CSMD1: variants seen among roughly 807,000 people sequenced by gnomAD.
CSMD1 encodes CUB and Sushi multiple domains 1.
A neutral mutation model predicts 417.5 loss-of-function variants in CSMD1; 213 were observed. The ratio of observed to expected loss-of-function variants is 0.51; its 90% confidence interval spans 0.46 to 0.57. The LOEUF (loss-of-function observed/expected upper bound fraction) is 0.57. Among genes scored for constraint, CSMD1 ranks in the 20% least tolerant of loss-of-function variants. The pLI, the probability that CSMD1 is intolerant of heterozygous loss-of-function variation, is 0.00. For synonymous variants in CSMD1, 2,862 were observed against 1,736.8 expected (o/e 1.65, Z -16.11); for missense variants, 6,923 against 4,529.7 (o/e 1.53, Z -15.17).
chr8:3,563,625 T>G (rs1209515899), intron 10 of CSMD1, among the ~76,000 whole-genome samples: 1 of 152,090 alleles, frequency 6.6e-6, no homozygotes, highest in Non-Finnish European at 1.5e-5. Flanking sequence ...GCACAGTGGC[T>G]CATACTTGTA....
intron 17 of CSMD1, among the ~76,000 whole-genome samples, chr8:3,394,018 A>ATT (rs1811523418): frequency 1.6e-5 from 1 of 61,502 alleles, no homozygotes; most frequent in Non-Finnish European, 2.8e-5. Flanking sequence ...TAAATTATAT[A>ATT]TATATATATA....
At chr8:3,552,657 A>G (rs989206947) in intron 10 of CSMD1, among the ~76,000 whole-genome samples, 15 of 152,348 alleles carry the variant, frequency 9.8e-5, no homozygotes, top group Admixed American at 9.1e-4. Flanking sequence ...CTGTTGCAAG[A>G]GTATTCACAT....
At chr8:3,953,480 T>G (rs1285649819) in intron 5 of CSMD1, among the ~76,000 whole-genome samples, 1 of 151,760 alleles carries the variant, frequency 6.6e-6, no homozygotes, top group Non-Finnish European at 1.5e-5. Context: ...CAGAGAGAGG[T>G]GTATGGGCTG....
intron 2 of CSMD1, among the ~76,000 whole-genome samples, chr8:4,452,145 T>C (rs1409386997): frequency 1.3e-5 from 2 of 152,254 alleles, no homozygotes; most frequent in African/African-American, 4.8e-5. Flanking sequence ...CAGCTTTCAT[T>C]GTGCTTGGGA....
chr8:4,902,035 T>A (rs1055564421), intron 1 of CSMD1, among the ~76,000 whole-genome samples: 2 of 152,192 alleles, frequency 1.3e-5, no homozygotes, highest in South Asian at 4.1e-4. Context: ...GCAAACATAC[T>A]GTGGCTTTGG....
At chr8:3,771,559 C>G (rs1206400359) in intron 5 of CSMD1, among the ~76,000 whole-genome samples, 1 of 152,102 alleles carries the variant, frequency 6.6e-6, no homozygotes, top group Non-Finnish European at 1.5e-5. Flanking sequence ...ATTGCAGAAA[C>G]ACAGCCCTAG....
chr8:4,683,744 C>G (rs1243347606), intron 1 of CSMD1, among the ~76,000 whole-genome samples: 1 of 152,134 alleles, frequency 6.6e-6, no homozygotes. Context: ...CCCATTTTTG[C>G]ACAATTAGCT....
intron 10 of CSMD1, among the ~76,000 whole-genome samples, chr8:3,572,944 TAA>T (rs1360587322): frequency 1.3e-5 from 2 of 152,216 alleles, no homozygotes; most frequent in Non-Finnish European, 2.9e-5. Flanking sequence ...TCTAATTATT[TAA>T]AAGTGTGTAA....
chr8:3,551,598 T>TATATATATATA (rs199718196), intron 10 of CSMD1, among the ~76,000 whole-genome samples: 60 of 97,764 alleles, frequency 6.1e-4, no homozygotes, highest in Middle Eastern at 0.01. Flanking sequence ...ATATATATAT[T>TATATATATATA]TTTTTTTTTT....
At chr8:4,950,141 GT>G (rs1808643827) in intron 1 of CSMD1, among the ~76,000 whole-genome samples, 1 of 152,010 alleles carries the variant, frequency 6.6e-6, no homozygotes, top group South Asian at 2.1e-4. Flanking sequence ...ATATGTCTAT[GT>G]TCCCATGTAG....
intron 2 of CSMD1, among the ~76,000 whole-genome samples, chr8:4,583,998 G>T (rs1799576029): frequency 6.6e-6 from 1 of 151,948 alleles, no homozygotes; most frequent in African/African-American, 2.4e-5. Flanking sequence ...ACCGGGAGGG[G>T]AGGAACGAAC....
At chr8:2,945,286 A>G (rs755552912) in intron 68 of CSMD1, among the ~76,000 whole-genome samples, 3 of 152,022 alleles carry the variant, frequency 2.0e-5, no homozygotes, top group Non-Finnish European at 4.4e-5. Flanking sequence ...TATTATTTGC[A>G]TTTTGCTTAT....
intron 3 of CSMD1, among the ~76,000 whole-genome samples, chr8:4,253,451 G>A (rs1029030868): frequency 6.6e-6 from 1 of 151,940 alleles, no homozygotes; most frequent in African/African-American, 2.4e-5. Flanking sequence ...ACCATATCAG[G>A]ACCTAATAAA....
chr8:3,912,525 A>AATGGCAACATGGCAGCACTAG (rs1808530064), intron 5 of CSMD1, among the ~76,000 whole-genome samples: 1 of 152,188 alleles, frequency 6.6e-6, no homozygotes, highest in African/African-American at 2.4e-5. Context: ...AATACATAAC[A>AATGGCAACATGGCAGCACTAG]GAGGGGGCTG....
intron 5 of CSMD1, among the ~76,000 whole-genome samples, chr8:3,784,318 A>G (rs1799331675): frequency 6.6e-6 from 1 of 152,224 alleles, no homozygotes; most frequent in Non-Finnish European, 1.5e-5. Context: ...ACTTTCTAAT[A>G]TCTCACTTCT....
chr8:4,640,090 G>T (rs1803101768), intron 1 of CSMD1, among the ~76,000 whole-genome samples: 1 of 152,200 alleles, frequency 6.6e-6, no homozygotes, highest in Admixed American at 6.5e-5. Context: ...TACTGTTATA[G>T]ACCCATCAGG....
chr8:4,067,814 C>T (rs1419156318), intron 3 of CSMD1, among the ~76,000 whole-genome samples: 1 of 151,880 alleles, frequency 6.6e-6, no homozygotes, highest in South Asian at 2.1e-4. Context: ...TACAGTGGCT[C>T]ATGTCTGTGA....
intron 10 of CSMD1, among the ~76,000 whole-genome samples, chr8:3,519,361 T>C (rs1563115544): frequency 6.6e-6 from 1 of 152,210 alleles, no homozygotes. Flanking sequence ...AAGAAGTCAA[T>C]CTTGAAAGGG....
intron 52 of CSMD1, among the ~76,000 whole-genome samples, chr8:3,007,713 C>A (rs189206226): frequency 5.6e-5 from 8 of 142,464 alleles, no homozygotes; most frequent in African/African-American, 2.1e-4. Flanking sequence ...TAGGTGGGAA[C>A]TGAACAGTGA....
Sources: gnomAD v4.1 joint callset for allele counts (sites outside exome capture counted in the v4.1 genomes callset) on GRCh38, gnomAD v4.1.1 for gene constraint, MANE v1.5 for transcripts, NCBI Gene and HGNC (gene_info 2026-07-23, HGNC 2026-07-21) for gene names.